The following YAP1 variants were observed in gnomAD, a reference collection of about 807,000 sequenced individuals.
The protein encoded by YAP1 is Yes1 associated transcriptional regulator, also known as transcriptional coactivator YAP1.
YAP1 carries 5 observed loss-of-function variants against 56.9 expected under a neutral mutation model. The ratio of observed to expected loss-of-function variants is 0.09; its 90% confidence interval spans 0.05 to 0.18. YAP1 has a LOEUF of 0.18. YAP1 is among the 10% of genes least tolerant of loss of function. YAP1 has a pLI of 1.00. For missense variants in YAP1, 539 were observed against 651.8 expected, an observed-to-expected ratio of 0.83 and a Z score of 1.88; for synonymous variants, 265 against 248.1, an observed-to-expected ratio of 1.07 and a Z score of -0.64.
At chr11:102,149,164 C>G (rs184265751) in intron 2 of YAP1, among the ~76,000 whole-genome samples, 1 of 152,268 alleles carries the variant, frequency 6.6e-6, no homozygotes, top group Non-Finnish European at 1.5e-5. Context: ...GAAATTGTTC[C>G]TAAAGGCAAC....
At chr11:102,162,900 A>G (rs935650346) in intron 3 of YAP1, among the ~76,000 whole-genome samples, 1 of 151,498 alleles carries the variant, frequency 6.6e-6, no homozygotes, top group African/African-American at 2.4e-5. Context: ...CAGGTATTTG[A>G]GTTGAATTTA....
At chr11:102,160,349 A>T (rs1287780436) in intron 2 of YAP1, among the ~76,000 whole-genome samples, 3 of 152,288 alleles carry the variant, frequency 2.0e-5, no homozygotes, top group Admixed American at 6.5e-5. Flanking sequence ...GCTTCAAACC[A>T]CCAACTTAAA....
intron 2 of YAP1, among the ~76,000 whole-genome samples, chr11:102,121,267 A>T (rs1391673306): frequency 6.6e-6 from 1 of 151,882 alleles, no homozygotes; most frequent in African/African-American, 2.4e-5. Flanking sequence ...GCAAGATCTC[A>T]TCTCTATTAA....
At chr11:102,163,308 A>G (rs1489770692) in intron 3 of YAP1, among the ~76,000 whole-genome samples, 1 of 152,202 alleles carries the variant, frequency 6.6e-6, no homozygotes, top group Non-Finnish European at 1.5e-5. Flanking sequence ...AGCCTCTAGT[A>G]ATTACAGAGT....
intron 2 of YAP1, among the ~76,000 whole-genome samples, chr11:102,140,375 A>G (rs963667881): frequency 2.0e-5 from 3 of 152,222 alleles, no homozygotes; most frequent in African/African-American, 4.8e-5. Context: ...GTTCACATTT[A>G]ATATAATAAT....
At chr11:102,219,262 C>T (rs1023581466) in intron 6 of YAP1, among the ~76,000 whole-genome samples, 8 of 152,098 alleles carry the variant, frequency 5.3e-5, no homozygotes, top group Non-Finnish European at 1.2e-4. Context: ...ATAAATTCTT[C>T]AAGGAATTTT....
Position 102,112,425 on chromosome 11 carries a change from C to CTTTTTTTTTTTTTTTTTTTTT in YAP1, c.321+1257_321+1277dup, listed in dbSNP as rs751339753. 37 of 704,126 alleles carry CTTTTTTTTTTTTTTTTTTTTT rather than the reference C, an allele frequency of 5.3e-5. No individual in the cohort carries two copies. In the East Asian group the frequency reaches 6.2e-4, roughly 12 times the overall value. 43.6% of individuals were successfully genotyped at this position (704,126 alleles called of 1,614,324 possible). A position where few individuals can be genotyped will look rare whatever the true frequency, so the allele number is the denominator to read the frequency against. On this transcript the variant is annotated intron_variant, in intron 1 of 8. Coordinates refer to ENST00000282441, the MANE Select transcript of YAP1 (RefSeq NM_001130145.3). ...TTTTCTTTCTTTTTTATTTCTTCTTCTTTTTTTTTTTTTTTTTTTTTGAGA... is the reference window on the plus strand; with the variant it reads ...TTTTCTTTCTTTTTTATTTCTTCTTCTTTTTTTTTTTTTTTTTTTTTTTTTTTTTTTTTTTTTTTTTTGAGA...
chr11:102,140,292 AT>A (rs1242753334), intron 2 of YAP1, among the ~76,000 whole-genome samples: 1 of 152,120 alleles, frequency 6.6e-6, no homozygotes. Flanking sequence ...AATATCTATG[AT>A]TTTCATTTCA....
chr11:102,220,205 T>G (rs932504187), intron 6 of YAP1, among the ~76,000 whole-genome samples: 7 of 151,512 alleles, frequency 4.6e-5, no homozygotes, highest in African/African-American at 1.5e-4. Context: ...ACAAAAAAAT[T>G]TGGAGGAAGA....
At chr11:102,165,137 T>A (rs1946524771) in intron 3 of YAP1, among the ~76,000 whole-genome samples, 2 of 151,710 alleles carry the variant, frequency 1.3e-5, no homozygotes, top group African/African-American at 4.8e-5. Context: ...GGTGGGAGGA[T>A]CAGTTGAGCC....
At chr11:102,216,376 AAATT>A (rs1949667500) in intron 6 of YAP1, among the ~76,000 whole-genome samples, 1 of 152,228 alleles carries the variant, frequency 6.6e-6, no homozygotes, top group Non-Finnish European at 1.5e-5. Context: ...GCATGAAGTC[AAATT>A]AATCCGAATG....
chr11:102,138,632 C>T (rs1260464997), intron 2 of YAP1, among the ~76,000 whole-genome samples: 2 of 152,154 alleles, frequency 1.3e-5, no homozygotes, highest in African/African-American at 4.8e-5. Flanking sequence ...ACCCGTGTTT[C>T]GTTTAATTAC....
intron 4 of YAP1, among the ~76,000 whole-genome samples, chr11:102,199,124 AAG>A (rs1245314594): frequency 6.6e-6 from 1 of 152,190 alleles, no homozygotes. Flanking sequence ...AGTTCTGCAG[AAG>A]AGAGAGGACT....
intron 5 of YAP1, 45 bp from the exon 6 acceptor site, chr11:102,209,472 A>G (rs1949286958): frequency 6.4e-7 from 1 of 1,559,594 alleles, no homozygotes; most frequent in African/African-American, 1.4e-5. Context: ...CAGCCAGACC[A>G]TGTGGCTTAA....
chr11:102,112,672 A>G (rs1943029645), intron 1 of YAP1: 3 of 985,068 alleles, frequency 3.0e-6, no homozygotes, highest in Non-Finnish European at 2.4e-6. Flanking sequence ...CCTGATGACA[A>G]AAACCCGGGT....
intron 7 of YAP1, among the ~76,000 whole-genome samples, chr11:102,225,512 C>T (rs950279350): frequency 6.6e-6 from 1 of 152,104 alleles, no homozygotes; most frequent in Non-Finnish European, 1.5e-5. Context: ...AACAAAAAAA[C>T]CTCTTGATGG....
intron 6 of YAP1, among the ~76,000 whole-genome samples, chr11:102,221,667 G>A (rs1949936316): frequency 6.6e-6 from 1 of 151,780 alleles, no homozygotes; most frequent in Non-Finnish European, 1.5e-5. Flanking sequence ...AGGCTGCAGT[G>A]AGCTATAATT....
chr11:102,123,655 TTC>T (rs1325063156), intron 2 of YAP1, among the ~76,000 whole-genome samples: 1 of 150,976 alleles, frequency 6.6e-6, no homozygotes, highest in South Asian at 2.1e-4. Context: ...TCTTTTTTTT[TTC>T]GAGACACAGT....
chr11:102,214,753 C>T (rs1365190533), intron 6 of YAP1, among the ~76,000 whole-genome samples: 1 of 152,078 alleles, frequency 6.6e-6, no homozygotes, highest in East Asian at 1.9e-4. Flanking sequence ...CTGGTTATTT[C>T]ATTTGTTTTA....
Sources: allele counts gnomAD v4.1 joint callset (sites outside exome capture counted in the v4.1 genomes callset), GRCh38; gene constraint gnomAD v4.1.1; transcripts MANE v1.5; gene names NCBI Gene and HGNC (gene_info 2026-07-23, HGNC 2026-07-21).